RBFOX1: variants seen among roughly 807,000 people sequenced by gnomAD.
RBFOX1 encodes the protein RNA binding fox-1 homolog 1, also known as RNA binding protein fox-1 homolog 1.
RBFOX1 carries 8 observed loss-of-function variants against 57.7 expected under a neutral mutation model. The ratio of observed to expected loss-of-function variants is 0.14; its 90% CI spans 0.08 to 0.25. RBFOX1 has a LOEUF of 0.25. RBFOX1 is among the 10% of genes least tolerant of loss of function. The pLI, the probability that RBFOX1 is intolerant of heterozygous loss-of-function variation, is 1.00. For synonymous variants in RBFOX1, 326 were observed against 222.4 expected, an observed-to-expected ratio of 1.47 and a Z score of -4.15; for missense variants, 611 against 548.5, an observed-to-expected ratio of 1.11 and a Z score of -1.14.
chr16:7,212,510 G>T (rs1353611302), intron 4 of RBFOX1, among the ~76,000 whole-genome samples: 2 of 152,104 alleles, frequency 1.3e-5, no homozygotes, highest in Non-Finnish European at 2.9e-5. Flanking sequence ...CTAGAGTGGG[G>T]TTTCTCAACA....
intron 3 of RBFOX1, among the ~76,000 whole-genome samples, chr16:5,608,524 A>G (rs1308883313): frequency 6.6e-6 from 1 of 152,248 alleles, no homozygotes; most frequent in African/African-American, 2.4e-5. Flanking sequence ...TGTGCCTGTA[A>G]CTTTTCTCAT....
intron 4 of RBFOX1, among the ~76,000 whole-genome samples, chr16:5,872,189 G>C (rs1475599503): frequency 6.6e-6 from 1 of 152,216 alleles, no homozygotes; most frequent in East Asian, 1.9e-4. Context: ...ATCAGTCCTA[G>C]CCATCCTGTG....
At chr16:6,078,675 G>GTA (rs2095949453) in intron 1 of RBFOX1, among the ~76,000 whole-genome samples, 1 of 124,540 alleles carries the variant, frequency 8.0e-6, no homozygotes, top group Non-Finnish European at 2.0e-5. Flanking sequence ...ACAAGGCAGG[G>GTA]CATCGTGCTT....
In RBFOX1 at chr16:5,725,813, G is replaced by A. The variant is rs142361834; in HGVS notation, c.318+126852G>A. ...CCTCTCCCCACTCAGGGCTGTTCTA[G>A]GATGCCAGCTCTCCGAGTTCTCTGC... On this transcript the variant is annotated intron_variant, in intron 3 of 19. Transcript: ENST00000641259. Among the ~76,000 whole-genome samples, 49 of 152,038 alleles carry A rather than the reference G, an allele frequency of 3.2e-4. 1 individual carries two copies. The highest frequency in any genetic ancestry group is 7.2e-4 in the Admixed American group (11 of 15,280).
At chr16:6,440,487 T>A (rs2094352998) in intron 2 of RBFOX1, among the ~76,000 whole-genome samples, 1 of 152,042 alleles carries the variant, frequency 6.6e-6, no homozygotes, top group African/African-American at 2.4e-5. Flanking sequence ...GGAAAGAGAC[T>A]ATATGACAAG....
intron 4 of RBFOX1, among the ~76,000 whole-genome samples, chr16:7,391,109 C>T (rs1407234623): frequency 1.3e-5 from 2 of 152,164 alleles, no homozygotes; most frequent in South Asian, 2.1e-4. Flanking sequence ...TGACCTTTTG[C>T]ACTGAATATG....
chr16:5,448,977 C>T (rs914314542), intron 1 of RBFOX1, among the ~76,000 whole-genome samples: 1 of 152,120 alleles, frequency 6.6e-6, no homozygotes, highest in Non-Finnish European at 1.5e-5. Flanking sequence ...CCACCGTCCT[C>T]CTTCCCACCA....
intron 3 of RBFOX1, among the ~76,000 whole-genome samples, chr16:5,629,985 G>A (rs58309805): frequency 0.013 from 2,017 of 152,262 alleles, 48 homozygotes; most frequent in African/African-American, 0.045. Flanking sequence ...GCTGTTATTT[G>A]GTTGGGGATA....
At chr16:5,413,227 C>A (rs62016382) in intron 1 of RBFOX1, among the ~76,000 whole-genome samples, 1 of 152,178 alleles carries the variant, frequency 6.6e-6, no homozygotes, top group African/African-American at 2.4e-5. Context: ...GCATTTTCTA[C>A]CAACAGCCCC....
chr16:5,436,199 C>G (rs1454892869), intron 1 of RBFOX1, among the ~76,000 whole-genome samples: 1 of 152,202 alleles, frequency 6.6e-6, no homozygotes, highest in Non-Finnish European at 1.5e-5. Context: ...CTGATCCCTG[C>G]CTAGGAGGCC....
At position 7,564,914 on chromosome 16, in the gene RBFOX1, G is replaced by C. The variant is rs146125827; in HGVS notation, c.271-14863G>C. ...CTGGAGCAGAGCATTGAATTCATTC[G>C]AGTTGCAGGGAAATGTGATGTATTT... On this transcript the variant is annotated intron_variant, in intron 5 of 15. Transcript: ENST00000550418. Among the ~76,000 whole-genome samples, 109 of 152,284 alleles carry C rather than the reference G, an allele frequency of 7.2e-4. 1 individual carries two copies. The highest frequency in any genetic ancestry group is 2.4e-3 in the African/African-American group (98 of 41,556).
chr16:6,715,885 A>G (rs775716963), intron 3 of RBFOX1, among the ~76,000 whole-genome samples: 10 of 152,210 alleles, frequency 6.6e-5, no homozygotes, highest in Non-Finnish European at 1.0e-4. Context: ...TTTGGGGTCA[A>G]GGCTCAGCCT....
intron 3 of RBFOX1, among the ~76,000 whole-genome samples, chr16:5,778,307 T>C (rs914758920): frequency 6.6e-6 from 1 of 152,132 alleles, no homozygotes; most frequent in Admixed American, 6.5e-5. Context: ...AGTGTGAGTT[T>C]CCATGATCTC....
intron 4 of RBFOX1, among the ~76,000 whole-genome samples, chr16:7,078,851 T>TTA (rs1294661760): frequency 1.1e-4 from 16 of 142,918 alleles, no homozygotes; most frequent in Non-Finnish European, 2.3e-4. Context: ...CCCAGCTAAT[T>TTA]TATATATATA....
chr16:5,516,757 C>T (rs188986682), intron 2 of RBFOX1, among the ~76,000 whole-genome samples: 13 of 152,182 alleles, frequency 8.5e-5, no homozygotes, highest in Admixed American at 5.9e-4. Context: ...AGTGAGTTCT[C>T]ATAAGATCTG....
chr16:7,414,910 C>T (rs1334526017), intron 4 of RBFOX1, among the ~76,000 whole-genome samples: 2 of 152,300 alleles, frequency 1.3e-5, no homozygotes, highest in Admixed American at 6.5e-5. Flanking sequence ...TGAGCCACGG[C>T]GCCCAGCCCT....
chr16:5,712,720 A>G (rs2051538963), intron 3 of RBFOX1, among the ~76,000 whole-genome samples: 1 of 152,248 alleles, frequency 6.6e-6, no homozygotes, highest in South Asian at 2.1e-4. Flanking sequence ...TCCAGATTTT[A>G]ACCCAGTTCA....
chr16:7,196,152 A>G (rs2086643149), intron 4 of RBFOX1, among the ~76,000 whole-genome samples: 2 of 152,312 alleles, frequency 1.3e-5, no homozygotes, highest in South Asian at 2.1e-4. Flanking sequence ...GTAAAGGAAC[A>G]GGCTTGGCCC....
chr16:5,270,878 A>G (rs1221144769), intron 1 of RBFOX1: 3 of 411,690 alleles, frequency 7.3e-6, no homozygotes, highest in Non-Finnish European at 1.4e-5. Flanking sequence ...AGTTCTGGAA[A>G]ACCCACTAGG....
Sources: gnomAD v4.1 joint callset for allele counts (sites outside exome capture counted in the v4.1 genomes callset) on GRCh38, gnomAD v4.1.1 for gene constraint, MANE v1.5 for transcripts, NCBI Gene and HGNC (gene_info 2026-07-23, HGNC 2026-07-21) for gene names.